TENT4A: variants seen among roughly 807,000 people sequenced by gnomAD.
TENT4A encodes DNA polymerase kappa.
In TENT4A, 7 loss-of-function variants were observed where a neutral mutation model predicts 72.8. The ratio of observed to expected loss-of-function variants is 0.10; its 90% CI spans 0.05 to 0.18. TENT4A has a LOEUF of 0.18. TENT4A is among the 10% of genes least tolerant of loss of function. The pLI is 1.00. For missense variants in TENT4A, 831 were observed against 1,017.7 expected (o/e 0.82, Z 2.50); for synonymous variants, 456 against 434.3 (o/e 1.05, Z -0.62).
At chr5:6,737,747 G>T (rs1159640153) in intron 2 of TENT4A, 114 bp downstream of exon 2, 40 of 1,201,118 alleles carry the variant, frequency 3.3e-5, no homozygotes, top group Non-Finnish European at 4.5e-5. Context: ...TTGGCCCGAG[G>T]CAGCAGTTCT....
intron 1 of TENT4A, among the ~76,000 whole-genome samples, chr5:6,721,774 A>C (rs1211423741): frequency 6.6e-6 from 1 of 152,234 alleles, no homozygotes; most frequent in East Asian, 1.9e-4. Flanking sequence ...TATCAACAAC[A>C]TGCCTTTTTG....
intron 1 of TENT4A, among the ~76,000 whole-genome samples, chr5:6,716,273 C>T (rs942602497): frequency 6.6e-6 from 1 of 152,102 alleles, no homozygotes; most frequent in African/African-American, 2.4e-5. Context: ...GGGGCAGGGA[C>T]GGCATGGGAG....
intron 1 of TENT4A, among the ~76,000 whole-genome samples, chr5:6,728,828 T>A (rs1159626034): frequency 6.6e-6 from 1 of 152,250 alleles, no homozygotes; most frequent in African/African-American, 2.4e-5. Context: ...TTATTAGGAT[T>A]ATAAAAGCAA....
chr5:6,724,374 G>A (rs1740803327), intron 1 of TENT4A, among the ~76,000 whole-genome samples: 1 of 152,216 alleles, frequency 6.6e-6, no homozygotes. Context: ...GGACAACGAT[G>A]AAATGATGGC....
chr5:6,738,635 C>G (rs1561037207), intron 2 of TENT4A, 48 bp from the exon 3 acceptor site: 3 of 1,384,602 alleles, frequency 2.2e-6, no homozygotes, highest in Non-Finnish European at 3.1e-6. Flanking sequence ...GGTAGTGTGA[C>G]TGCTTGGTTT....
rs1189741454 is a variant in TENT4A, at chr5:6,743,813, A to G, written c.1218A>G (p.Leu406=). 9.9e-6 allele frequency: 16 copies of G among 1,613,884 alleles called. No homozygotes were observed. The highest frequency in any genetic ancestry group is 1.0e-5 in the Non-Finnish European group (12 of 1,179,894). Residue 406 remains leucine (L), a synonymous_variant, in exon 6 of 13, where the codon CTA becomes CTG. Coordinates refer to ENST00000230859, the MANE Select transcript of TENT4A (RefSeq NM_006999.6). ...CAGGTGGAATTAGCTCATACAGCCT[A>G]ATTTTAATGGCCATTAGCTTTCTAC... ...VFTGGISSYS[L]ILMAISFLQL... is the part of the protein sequence containing the mutation.
intron 1 of TENT4A, among the ~76,000 whole-genome samples, chr5:6,725,633 GCTAA>G (rs1024962324): frequency 3.3e-5 from 5 of 152,316 alleles, no homozygotes; most frequent in South Asian, 2.1e-4. Flanking sequence ...AGTGCTTCGT[GCTAA>G]CTAACTAAAA....
chr5:6,733,509 A>C (rs1341051683), intron 1 of TENT4A, among the ~76,000 whole-genome samples: 1 of 152,248 alleles, frequency 6.6e-6, no homozygotes, highest in Non-Finnish European at 1.5e-5. Context: ...ACTGAACACT[A>C]GTGAGCAGAA....
Position 6,714,628 on chromosome 5 carries a change from C to G in TENT4A, c.645C>G (p.Gly215=). Residue 215 remains glycine (G), a synonymous_variant, in exon 1 of 13, where the codon GGC becomes GGG. Transcript: ENST00000230859. ...GCGCGGCCGCTCTCAGCGGAGGGGGCGGCCCCGGGGCCCAGGCGCCGCGGC... is the reference window on the plus strand; with the variant it reads ...GCGCGGCCGCTCTCAGCGGAGGGGGGGGCCCCGGGGCCCAGGCGCCGCGGC... ...GSRAAALSGG[G]GPGAQAPRPG... The G allele has an allele frequency of 8.3e-7, 1 of 1,197,842 alleles. No homozygotes were observed. Among genetic ancestry groups the G allele is most frequent in the Non-Finnish European group, 1.0e-6 (1 of 966,000 alleles). The allele number at this position is 1,197,842 out of a possible 1,614,324, so 74.2% of individuals were successfully genotyped here.
At position 6,714,076 on chromosome 5, in the gene TENT4A, C is replaced by T. The variant is rs1740231330; in HGVS notation, c.93C>T (p.Gly31=). 6 of 991,344 alleles carry T rather than the reference C, an allele frequency of 6.1e-6. No individual in the cohort carries two copies. The highest frequency in any genetic ancestry group is 7.2e-6 in the Non-Finnish European group (6 of 834,770). 61.4% of individuals were successfully genotyped at this position (991,344 alleles called of 1,614,324 possible). ...MQIWETSQGV[G]RGGSGFASYF... is the part of the protein sequence containing the mutation. ...TCTGGGAGACCTCGCAGGGCGTGGG[C>T]CGCGGCGGCTCGGGCTTCGCGTCCT... Residue 31 remains glycine (G), a synonymous_variant, in exon 1 of 13, where the codon GGC becomes GGT. Coordinates refer to ENST00000230859, the MANE Select transcript of TENT4A (RefSeq NM_006999.6).
intron 1 of TENT4A, 66 bp downstream of exon 1, chr5:6,714,765 C>CCGGCGCCCGCGGTGA: frequency 4.3e-6 from 4 of 925,602 alleles, no homozygotes; most frequent in Non-Finnish European, 5.5e-6. Flanking sequence ...GCCCGCGGTG[C>CCGGCGCCCGCGGTGA]AGACACCCGT....
At chr5:6,714,754 C>CGCCCGCGGTCCTGGCCGGA in intron 1 of TENT4A, 55 bp downstream of exon 1, 1 of 1,061,560 alleles carries the variant, frequency 9.4e-7, no homozygotes, top group Non-Finnish European at 1.2e-6. Context: ...TCCTGGCCGG[C>CGCCCGCGGTCCTGGCCGGA]GCCCGCGGTG....
intron 11 of TENT4A, chr5:6,751,437 C>CCTTT (rs1742401955): frequency 4.1e-6 from 2 of 485,000 alleles, no homozygotes; most frequent in Non-Finnish European, 7.3e-6. Flanking sequence ...TTCACGGGGG[C>CCTTT]CAGGTTGACT....
chr5:6,734,191 C>A (rs1246407574), intron 1 of TENT4A, among the ~76,000 whole-genome samples: 1 of 152,216 alleles, frequency 6.6e-6, no homozygotes, highest in Non-Finnish European at 1.5e-5. Flanking sequence ...GCCGAAGGGC[C>A]AGGGAGGCCG....
In TENT4A at chr5:6,713,941, TCGGGGCGGGCGGGCGCGCGGGCCCCGC is replaced by T; in HGVS notation, c.-42_-16del. The T allele has an allele frequency of 1.2e-6, 1 of 836,228 alleles. No homozygotes were observed. Among genetic ancestry groups the T allele is most frequent in the Non-Finnish European group, 1.4e-6 (1 of 698,912 alleles). 51.8% of individuals were successfully genotyped at this position (836,228 alleles called of 1,614,324 possible). A position where few individuals can be genotyped will look rare whatever the true frequency, so the allele number is the denominator to read the frequency against. Reference sequence around the variant, plus strand: ...GGGGCGCGGCGGGGGCGGGGCCGCGTCGGGGCGGGCGGGCGCGCGGGCCCCGCGGGGGCGGCGCGTGGATGGATCCGC... The same window carrying T: ...GGGGCGCGGCGGGGGCGGGGCCGCGTGGGGGCGGCGCGTGGATGGATCCGC... On this transcript the variant is annotated 5_prime_UTR_variant, in exon 1 of 13. Transcript: ENST00000230859.
intron 1 of TENT4A, chr5:6,714,980 A>C: frequency 1.5e-4 from 29 of 193,072 alleles, no homozygotes; most frequent in East Asian, 3.9e-4. Flanking sequence ...GGAACGGGAA[A>C]TCGACTCTCT....
At chr5:6,739,526 A>G (rs774033788) in intron 3 of TENT4A, among the ~76,000 whole-genome samples, 1 of 152,230 alleles carries the variant, frequency 6.6e-6, no homozygotes, top group Non-Finnish European at 1.5e-5. Flanking sequence ...TATGCTACAA[A>G]TATGGAAGTC....
intron 11 of TENT4A, among the ~76,000 whole-genome samples, chr5:6,752,201 C>T (rs560847347): frequency 3.3e-5 from 5 of 152,302 alleles, no homozygotes; most frequent in African/African-American, 9.6e-5. Context: ...GAGCCCAGTG[C>T]GGCTGCTGAG....
chr5:6,741,125 C>G (rs1041241670), intron 4 of TENT4A, among the ~76,000 whole-genome samples: 3 of 152,210 alleles, frequency 2.0e-5, no homozygotes, highest in Non-Finnish European at 4.4e-5. Flanking sequence ...TGAGCAGTTA[C>G]AGTAACTGCT....
Sources: allele counts gnomAD v4.1 joint callset (sites outside exome capture counted in the v4.1 genomes callset), GRCh38; gene constraint gnomAD v4.1.1; transcripts MANE v1.5; gene names NCBI Gene and HGNC (gene_info 2026-07-23, HGNC 2026-07-21).